ATCAY: variants seen among roughly 807,000 people sequenced by gnomAD.
The protein encoded by ATCAY is caytaxin.
Under a neutral mutation model 47.7 loss-of-function variants are expected in ATCAY, and 22 were observed. The ratio of observed to expected loss-of-function variants is 0.46; its 90% confidence interval spans 0.33 to 0.66. ATCAY has a LOEUF of 0.66. ATCAY is among the 30% of genes least tolerant of loss of function. ATCAY has a pLI of 0.02. For missense variants in ATCAY, 452 were observed against 515.0 expected, an observed-to-expected ratio of 0.88 and a Z score of 1.18; for synonymous variants, 216 against 207.6, an observed-to-expected ratio of 1.04 and a Z score of -0.35.
rs1332674242 is a variant in ATCAY, at chr19:3,927,576, G to A, written c.*2984G>A. Reference sequence around the variant, plus strand: ...CATTCTGCCCCCACCAGAAACTCCAGGGGGTCCGCCCGTTATGCCGTGGCC... The same window carrying A: ...CATTCTGCCCCCACCAGAAACTCCAAGGGGTCCGCCCGTTATGCCGTGGCC... On this transcript the variant is annotated 3_prime_UTR_variant, in exon 13 of 13. Transcript: ENST00000450849. The A allele has an allele frequency of 6.6e-6, 1 of 152,320 alleles. No individual in the cohort carries two copies. The highest frequency in any genetic ancestry group is 1.9e-4 in the East Asian group (1 of 5,200). The allele number at this position is 152,320 out of a possible 1,614,324, so 9.4% of individuals were successfully genotyped here.
At chr19:3,894,467 G>C (rs1174881434) in intron 2 of ATCAY, among the ~76,000 whole-genome samples, 3 of 142,242 alleles carry the variant, frequency 2.1e-5, no homozygotes, top group Admixed American at 1.4e-4. Context: ...CTGGGTGACA[G>C]AGTGAGACTC....
chr19:3,919,840 T>C (rs2039001079), intron 11 of ATCAY, among the ~76,000 whole-genome samples: 1 of 152,070 alleles, frequency 6.6e-6, no homozygotes, highest in African/African-American at 2.4e-5. Context: ...TTTGTCCAGG[T>C]CCCAGCAGGT....
At chr19:3,895,700 T>A (rs996539966) in intron 2 of ATCAY, among the ~76,000 whole-genome samples, 7 of 151,260 alleles carry the variant, frequency 4.6e-5, no homozygotes, top group Admixed American at 2.0e-4. Context: ...CTTTCTTTTT[T>A]TCTTTCTTTT....
chr19:3,914,756 G>A (rs1056742677), intron 9 of ATCAY, among the ~76,000 whole-genome samples: 37 of 151,862 alleles, frequency 2.4e-4, no homozygotes, highest in African/African-American at 8.2e-4. Context: ...GGGAGGCAGA[G>A]GTTGTGGTGA....
intron 2 of ATCAY, 55 bp downstream of exon 2, chr19:3,885,899 G>A: frequency 6.5e-7 from 1 of 1,527,604 alleles, no homozygotes; most frequent in Non-Finnish European, 8.9e-7. Flanking sequence ...TCTCTCCCAG[G>A]TGGGACACAG....
intron 2 of ATCAY, chr19:3,895,222 GT>G: frequency 2.2e-6 from 1 of 456,090 alleles, no homozygotes; most frequent in South Asian, 1.5e-5. Context: ...TGCAGTTTTT[GT>G]TTTTGTTTTT....
At chr19:3,913,703 A>G in intron 8 of ATCAY, 55 bp from the exon 9 acceptor site, 1 of 1,403,960 alleles carries the variant, frequency 7.1e-7, no homozygotes, top group Non-Finnish European at 1.0e-6. Flanking sequence ...GGACCTAGGT[A>G]ACCCCCACCC....
chr19:3,912,900 C>T (rs2038935754), intron 8 of ATCAY, among the ~76,000 whole-genome samples: 1 of 130,160 alleles, frequency 7.7e-6, no homozygotes, highest in African/African-American at 3.0e-5. Flanking sequence ...AAAAAAATAC[C>T]ATGAAGTGCT....
intron 9 of ATCAY, among the ~76,000 whole-genome samples, chr19:3,915,436 C>T (rs1599145792): frequency 6.6e-6 from 1 of 152,046 alleles, no homozygotes; most frequent in East Asian, 1.9e-4. Flanking sequence ...CTACCGGCCT[C>T]GGCCTCCCAA....
chr19:3,918,554 C>A (rs199691992), intron 10 of ATCAY, among the ~76,000 whole-genome samples: 33 of 143,008 alleles, frequency 2.3e-4, no homozygotes, highest in Admixed American at 5.6e-4. Flanking sequence ...GATCCTGTCT[C>A]AAAAAAAAAA....
intron 2 of ATCAY, among the ~76,000 whole-genome samples, chr19:3,890,924 C>T (rs62133058): frequency 0.046 from 7,064 of 152,282 alleles, 241 homozygotes; most frequent in Non-Finnish European, 0.066. Context: ...CTCTGTCTGC[C>T]GCAAAACAGC....
intron 11 of ATCAY, among the ~76,000 whole-genome samples, chr19:3,919,130 T>G (rs898448708): frequency 6.7e-6 from 1 of 149,660 alleles, no homozygotes; most frequent in African/African-American, 2.5e-5. Context: ...ATACAAAAAT[T>G]AGCTGGACAT....
At chr19:3,917,610 A>AAAAAAAAAG (rs368009492) in intron 9 of ATCAY, 132 bp from the exon 10 acceptor site, 2 of 501,990 alleles carry the variant, frequency 4.0e-6, no homozygotes, top group African/African-American at 2.4e-5. Context: ...AAAAAAAAAA[A>AAAAAAAAAG]GGAAGAAGAA....
intron 12 of ATCAY, among the ~76,000 whole-genome samples, chr19:3,924,233 G>GTGGATGGACGGATGGATGGA (rs1313494817): frequency 3.6e-5 from 5 of 140,798 alleles, no homozygotes; most frequent in African/African-American, 1.1e-4. Flanking sequence ...GAGTGAGTGT[G>GTGGATGGACGGATGGATGGA]TGGATGGATG....
intron 11 of ATCAY, among the ~76,000 whole-genome samples, chr19:3,919,636 A>G (rs1421971532): frequency 6.6e-6 from 1 of 151,342 alleles, no homozygotes; most frequent in East Asian, 1.9e-4. Flanking sequence ...GGTGATGTAC[A>G]CCTCTAGTCC....
At chr19:3,909,424 G>T (rs377635671) in intron 6 of ATCAY, 62 bp from the exon 7 acceptor site, 1 of 1,554,776 alleles carries the variant, frequency 6.4e-7, no homozygotes, top group Non-Finnish European at 8.7e-7. Context: ...GGTCGGCACC[G>T]CAGGTGTCCT....
chr19:3,906,141 A>G (rs2038858286), intron 4 of ATCAY, among the ~76,000 whole-genome samples: 1 of 149,390 alleles, frequency 6.7e-6, no homozygotes, highest in African/African-American at 2.5e-5. Context: ...ACTGCACTCC[A>G]GCCTGGGCGA....
At chr19:3,886,722 T>A (rs953501576) in intron 2 of ATCAY, among the ~76,000 whole-genome samples, 48 of 148,364 alleles carry the variant, frequency 3.2e-4, no homozygotes, top group South Asian at 1.3e-3. Context: ...TGCTGAACTT[T>A]TTTTTTTTTT....
At chr19:3,890,201 G>C (rs999141145) in intron 2 of ATCAY, among the ~76,000 whole-genome samples, 3 of 133,486 alleles carry the variant, frequency 2.2e-5, no homozygotes, top group Non-Finnish European at 4.7e-5. Context: ...ACCTCCCAAA[G>C]TGCTAGGATT....
Sources: allele counts gnomAD v4.1 joint callset (sites outside exome capture counted in the v4.1 genomes callset), GRCh38; gene constraint gnomAD v4.1.1; transcripts MANE v1.5; gene names NCBI Gene and HGNC (gene_info 2026-07-23, HGNC 2026-07-21).